DLC1: variants seen among roughly 807,000 people sequenced by gnomAD.
DLC1 encodes the protein rho GTPase-activating protein 7.
A neutral mutation model predicts 140.3 loss-of-function variants in DLC1; 54 were observed. The ratio of observed to expected loss-of-function variants is 0.38; its 90% CI spans 0.31 to 0.48. DLC1 has a LOEUF of 0.48. Ranked by LOEUF, DLC1 falls within the 20% of genes least tolerant of loss-of-function variation. The pLI is 0.96. For synonymous variants in DLC1, 986 were observed against 728.1 expected (o/e 1.35, Z -5.70); for missense variants, 2,536 against 1,907.0 (o/e 1.33, Z -6.14).
At chr8:13,362,485 A>G (rs905349545) in intron 4 of DLC1, among the ~76,000 whole-genome samples, 2 of 152,120 alleles carry the variant, frequency 1.3e-5, no homozygotes, top group Non-Finnish European at 2.9e-5. Flanking sequence ...AATTAGAGTG[A>G]AACTCTTATG....
At position 13,383,355 on chromosome 8, in the gene DLC1, G is replaced by A. The variant is rs544630935; in HGVS notation, c.1314+10198C>T. On this transcript the variant is annotated intron_variant, in intron 4 of 17. Coordinates refer to ENST00000276297, the MANE Select transcript of DLC1 (RefSeq NM_182643.3). Reference sequence around the variant, plus strand: ...TCTGCCATACCACTGTATGTTGGGTGAGTTTGCATATGTTCAGAGAAAGAG... The same window carrying A: ...TCTGCCATACCACTGTATGTTGGGTAAGTTTGCATATGTTCAGAGAAAGAG... Among the ~76,000 whole-genome samples, 3 of 152,292 alleles carry A rather than the reference G, an allele frequency of 2.0e-5. No individual in the cohort carries two copies. The East Asian group carries it at 5.8e-4, about 29-fold the overall frequency.
chr8:13,239,146 A>G (rs569943411), intron 5 of DLC1, among the ~76,000 whole-genome samples: 54 of 152,306 alleles, frequency 3.5e-4, no homozygotes, highest in Admixed American at 7.8e-4. Context: ...TCTCCAGTCT[A>G]CGAAGAACAA....
chr8:13,443,146 T>C (rs939839813), intron 2 of DLC1, among the ~76,000 whole-genome samples: 1 of 148,514 alleles, frequency 6.7e-6, no homozygotes, highest in African/African-American at 2.5e-5. Flanking sequence ...TAGGTGGGAA[T>C]TGAACAATGA....
intron 2 of DLC1, among the ~76,000 whole-genome samples, chr8:13,413,822 G>A (rs1029425582): frequency 3.3e-5 from 5 of 152,110 alleles, no homozygotes; most frequent in Non-Finnish European, 7.3e-5. Flanking sequence ...GCGGAACTCT[G>A]AGTCAGTTAA....
At chr8:13,196,557 C>G (rs1392332615) in intron 5 of DLC1, among the ~76,000 whole-genome samples, 4 of 152,154 alleles carry the variant, frequency 2.6e-5, no homozygotes, top group African/African-American at 7.2e-5. Context: ...TCCTCTAATT[C>G]TGTGATTCTG....
chr8:13,142,908 G>C (rs563230459), intron 5 of DLC1, among the ~76,000 whole-genome samples: 17 of 152,248 alleles, frequency 1.1e-4, no homozygotes, highest in African/African-American at 3.9e-4. Flanking sequence ...AATTAGCTGG[G>C]TGTGGTGGCA....
At chr8:13,126,649 C>G (rs959677143) in intron 5 of DLC1, among the ~76,000 whole-genome samples, 1 of 152,060 alleles carries the variant, frequency 6.6e-6, no homozygotes, top group African/African-American at 2.4e-5. Flanking sequence ...CCTCTTTAAA[C>G]TTATTATTCA....
chr8:13,454,331 TA>T (rs1245229159), intron 2 of DLC1, among the ~76,000 whole-genome samples: 3 of 151,952 alleles, frequency 2.0e-5, no homozygotes, highest in Non-Finnish European at 4.4e-5. Flanking sequence ...AAACATCTCT[TA>T]GGGGAAAAAA....
chr8:13,243,718 A>G (rs1428754567), intron 5 of DLC1, among the ~76,000 whole-genome samples: 2 of 152,138 alleles, frequency 1.3e-5, no homozygotes, highest in Non-Finnish European at 2.9e-5. Flanking sequence ...TGTCTTCCTT[A>G]TCATCAAGAA....
chr8:13,484,550 C>T (rs1346594642), intron 2 of DLC1, among the ~76,000 whole-genome samples: 1 of 152,088 alleles, frequency 6.6e-6, no homozygotes, highest in Non-Finnish European at 1.5e-5. Flanking sequence ...CTTTTAAACT[C>T]CTTCCTTAAG....
At chr8:13,498,141 A>G (rs1160071258) in intron 2 of DLC1, among the ~76,000 whole-genome samples, 1 of 152,222 alleles carries the variant, frequency 6.6e-6, no homozygotes, top group Non-Finnish European at 1.5e-5. Context: ...ATCAGTGCAT[A>G]CCAGTGTCAA....
At chr8:13,245,401 G>A (rs563893923) in intron 5 of DLC1, among the ~76,000 whole-genome samples, 18 of 152,336 alleles carry the variant, frequency 1.2e-4, no homozygotes, top group African/African-American at 4.3e-4. Flanking sequence ...CAGAAGCTGT[G>A]AGCACAATAA....
intron 4 of DLC1, among the ~76,000 whole-genome samples, chr8:13,313,074 C>T (rs1832744610): frequency 6.6e-6 from 1 of 152,198 alleles, no homozygotes; most frequent in Non-Finnish European, 1.5e-5. Flanking sequence ...AATGCTCCTT[C>T]TCACAGGATT....
Position 13,102,857 on chromosome 8 carries a change from T to G in DLC1, c.1503-4A>C, listed in dbSNP as rs1440423900. 1.2e-6 allele frequency: 2 copies of G among 1,613,484 alleles called. No individual in the cohort carries two copies. The highest frequency in any genetic ancestry group is 1.7e-6 in the Non-Finnish European group (2 of 1,179,844). ...TTTGTTTAAAGTATTTAGACGCCTA[T>G]AGAGCAAAGAAATAACGTTAGCAAA... On this transcript the variant is annotated splice_polypyrimidine_tract_variant and splice_region_variant and intron_variant, in intron 7 of 17. Coordinates refer to ENST00000276297, the MANE Select transcript of DLC1 (RefSeq NM_182643.3).
intron 1 of DLC1, among the ~76,000 whole-genome samples, chr8:13,508,612 G>T (rs905264019): frequency 3.8e-4 from 57 of 151,948 alleles, no homozygotes; most frequent in African/African-American, 1.3e-3. Flanking sequence ...TAGAGACAGG[G>T]TTTCACTGTG....
At chr8:13,352,744 C>G (rs887189229) in intron 4 of DLC1, among the ~76,000 whole-genome samples, 13 of 152,114 alleles carry the variant, frequency 8.5e-5, no homozygotes, top group African/African-American at 3.1e-4. Context: ...ATGCATAATA[C>G]ACTGTTTTTT....
At chr8:13,460,676 G>A (rs289539) in intron 2 of DLC1, among the ~76,000 whole-genome samples, 4 of 152,016 alleles carry the variant, frequency 2.6e-5, no homozygotes, top group Non-Finnish European at 5.9e-5. Context: ...ATAAAGGGAC[G>A]CAGATAGACA....
intron 5 of DLC1, among the ~76,000 whole-genome samples, chr8:13,178,128 A>G (rs1156370318): frequency 6.6e-6 from 1 of 152,186 alleles, no homozygotes; most frequent in Non-Finnish European, 1.5e-5. Flanking sequence ...TTTAAAAAAA[A>G]TCAATTCAAT....
chr8:13,354,442 G>C lies in DLC1; in HGVS notation c.1314+39111C>G, dbSNP rs550389487. 2.6e-4 allele frequency among the ~76,000 whole-genome samples: 39 copies of C among 152,200 alleles called. No individual in the cohort carries two copies. The South Asian group carries it at 5.0e-3, about 19-fold the overall frequency. ...GTGTGTGGCAACGACTAGGTGCTGAGAGGATTTATGTAGAGTGAATGACAA... is the reference window on the plus strand; with the variant it reads ...GTGTGTGGCAACGACTAGGTGCTGACAGGATTTATGTAGAGTGAATGACAA... On this transcript the variant is annotated intron_variant, in intron 4 of 17. Coordinates refer to ENST00000276297, the MANE Select transcript of DLC1 (RefSeq NM_182643.3).
Sources: allele counts gnomAD v4.1 joint callset (sites outside exome capture counted in the v4.1 genomes callset), GRCh38; gene constraint gnomAD v4.1.1; transcripts MANE v1.5; gene names NCBI Gene and HGNC (gene_info 2026-07-23, HGNC 2026-07-21).